Variants in TPRG1 observed in about 807,000 individuals in gnomAD.
TPRG1 encodes the protein tumor protein p63 regulated 1, also known as tumor protein p63-regulated gene 1 protein.
In TPRG1, 29 loss-of-function variants were observed where a neutral mutation model predicts 29.3. The observed-to-expected ratio is 0.99, with a 90% confidence interval of 0.74 to 1.35. The LOEUF (loss-of-function observed/expected upper bound fraction) is 1.35. Ranked by LOEUF, TPRG1 falls within the 40% of genes most tolerant of loss-of-function variation. The pLI is 0.00. For synonymous variants in TPRG1, 130 were observed against 116.8 expected (o/e 1.11, Z -0.73); for missense variants, 327 against 335.0 (o/e 0.98, Z 0.19).
In TPRG1 at chr3:189,324,003, G is replaced by A. The variant is rs1331709025; in HGVS notation, c.*3183G>A. The A allele has an allele frequency of 6.6e-6, 1 of 152,100 alleles. No individual in the cohort carries two copies. Among genetic ancestry groups the A allele is most frequent in the Non-Finnish European group, 1.5e-5 (1 of 68,034 alleles). 9.4% of individuals were successfully genotyped at this position (152,100 alleles called of 1,614,324 possible). ...AGCAGATAGATGTTTTAACACAACA[G>A]GAGGACTTTTAAACAATCACCAGGA... On this transcript the variant is annotated 3_prime_UTR_variant, in exon 6 of 6. Coordinates refer to ENST00000345063, the MANE Select transcript of TPRG1 (RefSeq NM_198485.4).
At chr3:189,192,640 G>T (rs1731867823) in intron 1 of TPRG1, among the ~76,000 whole-genome samples, 1 of 152,138 alleles carries the variant, frequency 6.6e-6, no homozygotes, top group South Asian at 2.1e-4. Context: ...TCTGTGAATT[G>T]CTTTCTGGTT....
At chr3:189,251,502 C>T (rs1742253662) in intron 4 of TPRG1, among the ~76,000 whole-genome samples, 1 of 152,076 alleles carries the variant, frequency 6.6e-6, no homozygotes, top group African/African-American at 2.4e-5. Flanking sequence ...CAGCGTTCAG[C>T]ATACGGAGGA....
At chr3:189,257,420 C>G (rs1435268724) in intron 4 of TPRG1, among the ~76,000 whole-genome samples, 1 of 152,136 alleles carries the variant, frequency 6.6e-6, no homozygotes, top group Non-Finnish European at 1.5e-5. Flanking sequence ...TGACCTTTCT[C>G]TCTGTCTGCC....
At chr3:189,054,408 G>A (rs1022624490) in intron 4 of TPRG1, among the ~76,000 whole-genome samples, 1 of 150,228 alleles carries the variant, frequency 6.7e-6, no homozygotes, top group African/African-American at 2.4e-5. Flanking sequence ...TCCCAGCACT[G>A]TGAAAGGCTG....
chr3:189,154,529 C>T (rs1444785814), intron 5 of TPRG1, among the ~76,000 whole-genome samples: 2 of 151,942 alleles, frequency 1.3e-5, no homozygotes, highest in Non-Finnish European at 2.9e-5. Flanking sequence ...GCAACCTCCA[C>T]CTCCCAGATT....
At chr3:189,161,648 T>C (rs2108632413) in intron 5 of TPRG1, among the ~76,000 whole-genome samples, 1 of 152,360 alleles carries the variant, frequency 6.6e-6, no homozygotes, top group South Asian at 2.1e-4. Flanking sequence ...CACTTCATTT[T>C]ATATCATTCT....
intron 1 of TPRG1, among the ~76,000 whole-genome samples, chr3:189,119,614 C>T (rs1322684615): frequency 6.6e-6 from 1 of 152,152 alleles, no homozygotes; most frequent in East Asian, 1.9e-4. Flanking sequence ...GCAGTTACCC[C>T]TATGCTGTTC....
intron 1 of TPRG1, among the ~76,000 whole-genome samples, chr3:189,186,448 A>G (rs1730929897): frequency 6.6e-6 from 1 of 152,194 alleles, no homozygotes; most frequent in Non-Finnish European, 1.5e-5. Flanking sequence ...CAAAACAAAA[A>G]ACCTAGTAAC....
intron 4 of TPRG1, among the ~76,000 whole-genome samples, chr3:189,242,222 C>G (rs1404610082): frequency 6.6e-6 from 1 of 152,036 alleles, no homozygotes; most frequent in Non-Finnish European, 1.5e-5. Flanking sequence ...TAATGTAGTA[C>G]TTTTCTCTGT....
intron 4 of TPRG1, among the ~76,000 whole-genome samples, chr3:189,282,276 A>G (rs1296284839): frequency 1.4e-5 from 2 of 147,636 alleles, no homozygotes; most frequent in Non-Finnish European, 3.0e-5. Flanking sequence ...AGTGGATAAC[A>G]TGGTGTTATT....
At chr3:189,039,381 G>A (rs1714486044) in intron 4 of TPRG1, among the ~76,000 whole-genome samples, 1 of 152,170 alleles carries the variant, frequency 6.6e-6, no homozygotes, top group Non-Finnish European at 1.5e-5. Flanking sequence ...GGGCCCTGTT[G>A]TGAAATTCTC....
chr3:189,218,588 CTT>C (rs1372156537), intron 3 of TPRG1, among the ~76,000 whole-genome samples: 1 of 152,138 alleles, frequency 6.6e-6, no homozygotes, highest in Non-Finnish European at 1.5e-5. Flanking sequence ...AGTAAAAGCC[CTT>C]TTACTGTGTA....
At chr3:189,139,685 A>G (rs1299002887) in intron 3 of TPRG1, among the ~76,000 whole-genome samples, 3 of 150,290 alleles carry the variant, frequency 2.0e-5, no homozygotes, top group African/African-American at 4.9e-5. Context: ...TTTTTTTTCA[A>G]AAAAAAATGT....
At chr3:189,137,790 A>G (rs1397122275) in intron 3 of TPRG1, among the ~76,000 whole-genome samples, 2 of 152,088 alleles carry the variant, frequency 1.3e-5, no homozygotes, top group Admixed American at 6.6e-5. Flanking sequence ...GTATGTAGCC[A>G]GTATAGGCCT....
At chr3:189,026,572 A>G (rs1713674670) in intron 4 of TPRG1, among the ~76,000 whole-genome samples, 1 of 152,202 alleles carries the variant, frequency 6.6e-6, no homozygotes, top group Non-Finnish European at 1.5e-5. Context: ...GAGATGGAAA[A>G]ATCAAAACCA....
chr3:189,138,245 A>C (rs1724032834), intron 3 of TPRG1, among the ~76,000 whole-genome samples: 1 of 152,224 alleles, frequency 6.6e-6, no homozygotes, highest in Admixed American at 6.5e-5. Context: ...TCATGTAAGC[A>C]AAGGCTTGGA....
chr3:189,276,841 G>A (rs1716234705), intron 4 of TPRG1, among the ~76,000 whole-genome samples: 1 of 152,004 alleles, frequency 6.6e-6, no homozygotes, highest in African/African-American at 2.4e-5. Flanking sequence ...AAGAGAGGCA[G>A]GGTTTTTCGA....
chr3:189,297,858 T>A (rs1475609150), intron 4 of TPRG1, among the ~76,000 whole-genome samples: 1 of 152,026 alleles, frequency 6.6e-6, no homozygotes, highest in African/African-American at 2.4e-5. Flanking sequence ...CTTGGGAACA[T>A]GGGGCTGGTT....
intron 4 of TPRG1, among the ~76,000 whole-genome samples, chr3:189,054,062 G>A (rs1413946511): frequency 6.6e-6 from 1 of 151,936 alleles, no homozygotes; most frequent in Non-Finnish European, 1.5e-5. Context: ...TGTTGTTGTT[G>A]TTTTCAACAT....
Sources: allele counts gnomAD v4.1 joint callset (sites outside exome capture counted in the v4.1 genomes callset), GRCh38; gene constraint gnomAD v4.1.1; transcripts MANE v1.5; gene names NCBI Gene and HGNC (gene_info 2026-07-23, HGNC 2026-07-21).